Variants in DGKB observed in about 807,000 individuals in gnomAD.
DGKB encodes the protein diacylglycerol kinase beta, also known as 90 kDa diacylglycerol kinase.
DGKB carries 67 observed loss-of-function variants against 114.3 expected under a neutral mutation model. That is an observed-to-expected ratio of 0.59 (90% confidence interval 0.48 to 0.72). The LOEUF (loss-of-function observed/expected upper bound fraction) is 0.72, where lower values mean the gene tolerates loss of function less well. Among genes scored for constraint, DGKB ranks in the 30% least tolerant of loss-of-function variants. The probability of loss-of-function intolerance (pLI) is 0.00; values close to 1 mark genes in which losing one functional copy is unlikely to be tolerated. For missense variants in DGKB, 907 were observed against 975.2 expected (o/e 0.93, Z 0.93); for synonymous variants, 398 against 323.1 (o/e 1.23, Z -2.49).
intron 13 of DGKB, among the ~76,000 whole-genome samples, chr7:14,634,178 T>C (rs578214195): frequency 6.6e-6 from 1 of 151,154 alleles, no homozygotes; most frequent in South Asian, 2.1e-4. Flanking sequence ...TTATATATTT[T>C]TCATGTTTGC....
At chr7:14,689,644 A>G (rs796216026) in intron 9 of DGKB, among the ~76,000 whole-genome samples, 19 of 152,300 alleles carry the variant, frequency 1.2e-4, no homozygotes, top group African/African-American at 4.6e-4. Flanking sequence ...AGCAGGTTAC[A>G]CCACGTAGTC....
At chr7:14,962,099 G>C (rs1267801608) in intron 1 of DGKB, among the ~76,000 whole-genome samples, 2 of 152,066 alleles carry the variant, frequency 1.3e-5, no homozygotes, top group Non-Finnish European at 2.9e-5. Context: ...TTGTAACTTT[G>C]AATAGTATGT....
intron 9 of DGKB, among the ~76,000 whole-genome samples, chr7:14,693,387 C>T (rs1447492387): frequency 6.6e-6 from 1 of 151,874 alleles, no homozygotes; most frequent in Non-Finnish European, 1.5e-5. Flanking sequence ...GATTTGCTTT[C>T]AAAGTCATTA....
chr7:14,328,032 G>A (rs548328885), intron 23 of DGKB, among the ~76,000 whole-genome samples: 3 of 152,138 alleles, frequency 2.0e-5, no homozygotes, highest in South Asian at 4.2e-4. Context: ...TTGAAAAGAC[G>A]TTTTATCACA....
intron 20 of DGKB, among the ~76,000 whole-genome samples, chr7:14,532,657 T>G (rs557890487): frequency 6.6e-6 from 1 of 151,356 alleles, no homozygotes; most frequent in Non-Finnish European, 1.5e-5. Flanking sequence ...GTGACAAAAT[T>G]GAAATGAAAA....
At chr7:14,628,760 AT>A (rs1346227911) in intron 14 of DGKB, among the ~76,000 whole-genome samples, 5 of 152,092 alleles carry the variant, frequency 3.3e-5, no homozygotes, top group Non-Finnish European at 7.4e-5. Context: ...AGCCATGCAT[AT>A]ATCCATGCAT....
At chr7:14,949,112 AAAC>A (rs1240460732) in intron 1 of DGKB, among the ~76,000 whole-genome samples, 2 of 151,910 alleles carry the variant, frequency 1.3e-5, no homozygotes, top group East Asian at 1.9e-4. Context: ...TTTGCAAGCC[AAAC>A]AACATTTTTT....
At chr7:14,831,962 A>G (rs939300625) in intron 2 of DGKB, among the ~76,000 whole-genome samples, 1 of 152,080 alleles carries the variant, frequency 6.6e-6, no homozygotes, top group East Asian at 1.9e-4. Context: ...TATATCTCGG[A>G]GAAGCCAAGA....
In DGKB at chr7:14,422,054, G is replaced by C. The variant is rs143050078; in HGVS notation, c.1835+56107C>G. Among the ~76,000 whole-genome samples the C allele has an allele frequency of 3.9e-5, 6 of 151,992 alleles. No homozygotes were observed. In the East Asian group the frequency reaches 1.2e-3, roughly 29 times the overall value. On this transcript the variant is annotated intron_variant, in intron 21 of 25. Transcript: ENST00000402815. ...TATAGAAGGTATATATAAAAATATT[G>C]ATATGTTTACCTATTTTTAAAAATG...
intron 23 of DGKB, among the ~76,000 whole-genome samples, chr7:14,198,633 G>C (rs1785365844): frequency 6.6e-6 from 1 of 151,940 alleles, no homozygotes; most frequent in Non-Finnish European, 1.5e-5. Context: ...AAAAAATGAA[G>C]CTCTTATTGA....
chr7:14,193,847 A>G (rs557631688), intron 23 of DGKB, among the ~76,000 whole-genome samples: 1 of 152,202 alleles, frequency 6.6e-6, no homozygotes, highest in African/African-American at 2.4e-5. Context: ...ACTCAATGGG[A>G]AAAAAACCCC....
chr7:14,707,280 C>T (rs1389344551), intron 6 of DGKB, among the ~76,000 whole-genome samples: 1 of 149,510 alleles, frequency 6.7e-6, no homozygotes, highest in Non-Finnish European at 1.5e-5. Flanking sequence ...GAAGTTGAAT[C>T]TCTTAATAGA....
At chr7:14,621,608 C>A in intron 14 of DGKB, 114 bp from the exon 15 acceptor site, 1 of 639,812 alleles carries the variant, frequency 1.6e-6, no homozygotes, top group South Asian at 2.1e-5. Context: ...GCTCAACTTT[C>A]TAATTTGAAG....
At chr7:14,499,903 G>C (rs75474532) in intron 20 of DGKB, among the ~76,000 whole-genome samples, 1,665 of 151,818 alleles carry the variant, frequency 0.011, 10 homozygotes, top group Middle Eastern at 0.037. Context: ...CAGACCCGTG[G>C]CTCATCCCAG....
At chr7:14,167,345 C>T (rs972036530) in intron 25 of DGKB, among the ~76,000 whole-genome samples, 2 of 151,918 alleles carry the variant, frequency 1.3e-5, no homozygotes, top group Non-Finnish European at 2.9e-5. Flanking sequence ...GTTCCCAAAG[C>T]ATGGGGGGAG....
At chr7:14,752,542 G>A (rs1256605242) in intron 4 of DGKB, among the ~76,000 whole-genome samples, 1 of 152,164 alleles carries the variant, frequency 6.6e-6, no homozygotes, top group Non-Finnish European at 1.5e-5. Context: ...AGCACACATA[G>A]AGCAGTAATA....
intron 23 of DGKB, among the ~76,000 whole-genome samples, chr7:14,312,112 C>T (rs927054992): frequency 2.0e-5 from 3 of 152,030 alleles, no homozygotes; most frequent in Non-Finnish European, 4.4e-5. Flanking sequence ...AAAGAAAAAT[C>T]AGAATCAGTT....
At chr7:14,212,946 G>A (rs917551975) in intron 23 of DGKB, among the ~76,000 whole-genome samples, 2 of 151,888 alleles carry the variant, frequency 1.3e-5, no homozygotes, top group African/African-American at 4.8e-5. Flanking sequence ...TATAAAAAAT[G>A]GCAATAATTG....
chr7:14,913,244 C>T (rs552780263), intron 1 of DGKB, among the ~76,000 whole-genome samples: 10 of 151,926 alleles, frequency 6.6e-5, no homozygotes, highest in Non-Finnish European at 1.0e-4. Context: ...TTTCACACTC[C>T]GCTCTGTTCT....
Sources: allele counts gnomAD v4.1 joint callset (sites outside exome capture counted in the v4.1 genomes callset), GRCh38; gene constraint gnomAD v4.1.1; transcripts MANE v1.5; gene names NCBI Gene and HGNC (gene_info 2026-07-23, HGNC 2026-07-21).